Variants in ZNF91 observed in about 807,000 individuals in gnomAD.
ZNF91 encodes the protein zinc finger protein 91 (HPF7, HTF10).
In ZNF91, 7 loss-of-function variants were observed where a neutral mutation model predicts 12.6. The observed-to-expected ratio is 0.55, with a 90% CI of 0.31 to 1.04. ZNF91 has a LOEUF of 1.04. Among genes scored for constraint, ZNF91 ranks in the 50% least tolerant of loss-of-function variants. The pLI is 0.05. For missense variants in ZNF91, 1,217 were observed against 1,385.4 expected, an observed-to-expected ratio of 0.88 and a Z score of 1.93; for synonymous variants, 453 against 462.6, an observed-to-expected ratio of 0.98 and a Z score of 0.27.
chr19:23,364,685 T>C (rs574907681), intron 3 of ZNF91, among the ~76,000 whole-genome samples: 25 of 152,102 alleles, frequency 1.6e-4, no homozygotes, highest in African/African-American at 5.1e-4. Context: ...TAAAAAAATA[T>C]AGATTCAGAA....
At chr19:23,357,005 G>A (rs915254708), downstream of ZNF91, among the ~76,000 whole-genome samples, 1 of 152,148 alleles carries the variant, frequency 6.6e-6, no homozygotes, top group Non-Finnish European at 1.5e-5. Context: ...GAGACGGGTG[G>A]ATCACGAGGT....
chr19:23,366,013 C>T (rs1473793591), intron 3 of ZNF91, among the ~76,000 whole-genome samples: 1 of 152,258 alleles, frequency 6.6e-6, no homozygotes, highest in Non-Finnish European at 1.5e-5. Context: ...ATCTTTTCCC[C>T]ACCTTTCCCC....
rs541205578 is a variant in ZNF91 at position 23,350,079 on chromosome 19, A to G, written c.254-11025T>C. Reference sequence around the variant, plus strand: ...TTGGAAATGCTCACGCAACAAGAAAACCAAATGCGTGCAGCAATTTATCAA... The same window carrying G: ...TTGGAAATGCTCACGCAACAAGAAAGCCAAATGCGTGCAGCAATTTATCAA... On this transcript the variant is annotated intron_variant, in intron 3 of 3. Transcript: ENST00000599743. 9.2e-5 allele frequency among the ~76,000 whole-genome samples: 14 copies of G among 152,276 alleles called. No homozygotes were observed. In the South Asian group the frequency reaches 2.9e-3, roughly 32 times the overall value.
intron 1 of ZNF91, among the ~76,000 whole-genome samples, chr19:23,393,331 A>G (rs1404633288): frequency 6.6e-6 from 1 of 152,196 alleles, no homozygotes; most frequent in Non-Finnish European, 1.5e-5. Flanking sequence ...CCACGTCCAC[A>G]CTTGAGAAGC....
chr19:23,366,187 C>T (rs572664477), intron 3 of ZNF91, among the ~76,000 whole-genome samples: 42 of 151,850 alleles, frequency 2.8e-4, no homozygotes, highest in African/African-American at 9.9e-4. Flanking sequence ...GTGGCTGGCC[C>T]GGCGGGGGCT....
intron 2 of ZNF91, 87 bp from the exon 3 acceptor site, chr19:23,373,924 A>C: frequency 1.3e-6 from 1 of 743,910 alleles, no homozygotes; most frequent in Non-Finnish European, 2.0e-6. Flanking sequence ...AGCATATAAT[A>C]GAATATTCTA....
rs748720836 is a variant in ZNF91, at chr19:23,378,020, A to T, written c.31-3256T>A. The stretch of plus-strand genomic sequence containing the variant: ...AAATATAGACAGATGAGAGGGATAC[A>T]GATAGAGTGTAATGTAATTTAGATG... On this transcript the variant is annotated intron_variant, in intron 1 of 3. Transcript: ENST00000300619. Among the ~76,000 whole-genome samples the T allele has an allele frequency of 2.0e-5, 3 of 152,336 alleles. 1 individual carries two copies. The highest frequency in any genetic ancestry group is 6.8e-3 in the Middle Eastern group (2 of 294).
At chr19:23,379,078 G>C (rs1340898345) in intron 1 of ZNF91, among the ~76,000 whole-genome samples, 1 of 152,122 alleles carries the variant, frequency 6.6e-6, no homozygotes, top group African/African-American at 2.4e-5. Context: ...TTCTGTTCTG[G>C]AGATTCTCAA....
At position 23,324,058 on chromosome 19, in the gene ZNF91, TCTC is replaced by T. The variant is rs552473068; in HGVS notation, n.117-14964_117-14962del. The T allele has an allele frequency of 5.5e-4, 82 of 147,828 alleles. No individual in the cohort carries two copies. In the South Asian group the frequency reaches 0.012, roughly 22 times the overall value. The allele number at this position is 147,828 out of a possible 1,614,324, so 9.2% of individuals were successfully genotyped here. A position where few individuals can be genotyped will look rare whatever the true frequency, so the allele number is the denominator to read the frequency against. The stretch of plus-strand genomic sequence containing the variant: ...CTTGTCCCCTCCTCCTCCTTGTCCA[TCTC>T]CTCTACTCCTCCTTCTCCTCCTCCT... On this transcript the variant is annotated intron_variant and non_coding_transcript_variant, in intron 1 of 1. Transcript: ENST00000596528.
At chr19:23,373,643 T>C (rs1190785578) in intron 3 of ZNF91, 99 bp downstream of exon 3, 23 of 925,750 alleles carry the variant, frequency 2.5e-5, no homozygotes, top group Non-Finnish European at 3.6e-5. Flanking sequence ...AGAAACTATT[T>C]CCTTTGGAAC....
At chr19:23,378,488 A>C (rs1969584059) in intron 1 of ZNF91, among the ~76,000 whole-genome samples, 2 of 152,226 alleles carry the variant, frequency 1.3e-5, no homozygotes, top group Non-Finnish European at 2.9e-5. Flanking sequence ...CTTAAATCTC[A>C]GAGTTTGTGT....
At chr19:23,326,804 G>A (rs1369768530) in intron 1 of ZNF91, 1 of 152,120 alleles carries the variant, frequency 6.6e-6, no homozygotes, top group African/African-American at 2.4e-5. Flanking sequence ...AAAAGATTTT[G>A]GTGCTTTGGT....
intron 3 of ZNF91, among the ~76,000 whole-genome samples, chr19:23,346,801 T>TAACAGTTTATTCAATCCATAACGTC (rs1968241817): frequency 6.6e-6 from 1 of 152,070 alleles, no homozygotes; most frequent in Non-Finnish European, 1.5e-5. Flanking sequence ...CATGCCAACT[T>TAACAGTTTATTCAATCCATAACGTC]AACAGTTTAT....
intron 1 of ZNF91, among the ~76,000 whole-genome samples, chr19:23,323,768 C>T (rs1317269390): frequency 6.9e-6 from 1 of 145,910 alleles, no homozygotes; most frequent in African/African-American, 2.6e-5. Context: ...TTCTTTTCGT[C>T]TCCTCCTTCT....
chr19:23,335,689 G>A (rs1201684057), downstream of ZNF91, among the ~76,000 whole-genome samples: 1 of 152,188 alleles, frequency 6.6e-6, no homozygotes, highest in Non-Finnish European at 1.5e-5. Context: ...TAGCATTAGG[G>A]TGGGAGTGTC....
downstream of ZNF91, among the ~76,000 whole-genome samples, chr19:23,352,937 C>T (rs1379696096): frequency 6.6e-6 from 1 of 152,218 alleles, no homozygotes; most frequent in Non-Finnish European, 1.5e-5. Context: ...GCACCTAACA[C>T]TGGAGCTCCC....
Position 23,362,167 on chromosome 19 carries a change from C to G in ZNF91, c.812G>C (p.Cys271Ser), listed in dbSNP as rs1968819467. Residue 271 changes from cysteine (C) to serine (S), a missense_variant, in exon 4 of 4, where the codon TGT (cysteine) becomes TCT (serine). Cys to Ser is a moderately radical substitution (Grantham distance 112, BLOSUM62 -1). Transcript: ENST00000300619. Reference protein sequence around the residue: ...AKEKIYKCEECGKAFLWSSTL... With the variant: ...AKEKIYKCEESGKAFLWSSTL... ...TGAGGACCATAGAAATGCTTTGCCA[C>G]ATTCTTCACACTTGTAGATTTTCTC... 6.2e-7 allele frequency: 1 copy of G among 1,613,000 alleles called. No homozygotes were observed. The highest frequency in any genetic ancestry group is 1.3e-5 in the African/African-American group (1 of 74,892).
At chr19:23,364,040 C>G (rs1236797264) in intron 3 of ZNF91, among the ~76,000 whole-genome samples, 1 of 152,102 alleles carries the variant, frequency 6.6e-6, no homozygotes, top group Non-Finnish European at 1.5e-5. Context: ...CAGGCCAGGC[C>G]AGGCATGGTG....
At chr19:23,392,360 C>T (rs1970094195) in intron 1 of ZNF91, among the ~76,000 whole-genome samples, 1 of 141,346 alleles carries the variant, frequency 7.1e-6, no homozygotes, top group African/African-American at 2.7e-5. Flanking sequence ...TGCACTACTG[C>T]ACTCCAGCCT....
Sources: gnomAD v4.1 joint callset for allele counts (sites outside exome capture counted in the v4.1 genomes callset) on GRCh38, gnomAD v4.1.1 for gene constraint, MANE v1.5 for transcripts, NCBI Gene and HGNC (gene_info 2026-07-23, HGNC 2026-07-21) for gene names.